The following HEMK2 variants were observed in gnomAD, a reference collection of about 807,000 sequenced individuals.
The protein encoded by HEMK2 is methyltransferase HEMK2.
chr21:28,605,488 T>C, the HEMK2 span, among the ~76,000 whole-genome samples: 3 of 152,188 alleles, frequency 2.0e-5, no homozygotes, highest in Non-Finnish European at 4.4e-5. Flanking sequence ...TTGTTCTAAA[T>C]TAAGAATAAA....
the HEMK2 span, among the ~76,000 whole-genome samples, chr21:28,663,863 A>G: frequency 6.6e-6 from 1 of 152,312 alleles, no homozygotes; most frequent in African/African-American, 2.4e-5. Context: ...ACTTCAAGAG[A>G]GCGGGCATCT....
the HEMK2 span, among the ~76,000 whole-genome samples, chr21:28,831,607 G>A: frequency 1.2e-5 from 1 of 86,216 alleles, no homozygotes; most frequent in Non-Finnish European, 2.0e-5. Context: ...AGGAAAGAAG[G>A]AAAGAAGGAA....
chr21:28,862,359 G>A, the HEMK2 span, among the ~76,000 whole-genome samples: 568 of 121,206 alleles, frequency 4.7e-3, 33 homozygotes, highest in Non-Finnish European at 6.6e-3. Flanking sequence ...GAAAGTAGTC[G>A]CCGGGCGCGG....
the HEMK2 span, among the ~76,000 whole-genome samples, chr21:28,659,220 G>T: frequency 6.6e-6 from 1 of 151,968 alleles, no homozygotes. Flanking sequence ...ATTCAATAAA[G>T]AAATTTGGAA....
At chr21:28,733,150 G>A in the HEMK2 span, among the ~76,000 whole-genome samples, 1 of 152,088 alleles carries the variant, frequency 6.6e-6, no homozygotes, top group Non-Finnish European at 1.5e-5. Context: ...GTGGTGGTGG[G>A]CACCTAGAGT....
the HEMK2 span, among the ~76,000 whole-genome samples, chr21:28,591,079 G>A: frequency 6.6e-6 from 1 of 152,156 alleles, no homozygotes; most frequent in Non-Finnish European, 1.5e-5. Flanking sequence ...GCAAGAATGT[G>A]TTATTCCTTC....
chr21:28,731,985 G>A, the HEMK2 span, among the ~76,000 whole-genome samples: 12 of 152,190 alleles, frequency 7.9e-5, no homozygotes, highest in African/African-American at 2.2e-4. Flanking sequence ...TGGGTGGTAC[G>A]TGTCACTCCT....
the HEMK2 span, among the ~76,000 whole-genome samples, chr21:28,741,188 C>A: frequency 3.3e-5 from 5 of 152,144 alleles, no homozygotes; most frequent in Non-Finnish European, 7.3e-5. Context: ...TCCAGGCCAA[C>A]ATCATGATTA....
the HEMK2 span, among the ~76,000 whole-genome samples, chr21:28,680,189 A>G: frequency 6.6e-6 from 1 of 152,230 alleles, no homozygotes; most frequent in Non-Finnish European, 1.5e-5. Context: ...GAAGAATCAA[A>G]TAGATGCAAT....
chr21:28,625,804 G>C, the HEMK2 span, among the ~76,000 whole-genome samples: 1 of 126,946 alleles, frequency 7.9e-6, no homozygotes, highest in Non-Finnish European at 1.7e-5. Flanking sequence ...GGTAGATAGG[G>C]AATGATACCA....
At chr21:28,878,532 T>C in the HEMK2 span, among the ~76,000 whole-genome samples, 10 of 152,218 alleles carry the variant, frequency 6.6e-5, no homozygotes, top group Non-Finnish European at 1.2e-4. Context: ...TGTTTGTGAA[T>C]TACTTTCCTC....
chr21:28,704,120 G>T, the HEMK2 span, among the ~76,000 whole-genome samples: 1 of 152,154 alleles, frequency 6.6e-6, no homozygotes, highest in South Asian at 2.1e-4. Flanking sequence ...TGGAGGTCAT[G>T]TTTCTAGCAC....
At chr21:28,803,467 G>T in the HEMK2 span, among the ~76,000 whole-genome samples, 2 of 152,120 alleles carry the variant, frequency 1.3e-5, no homozygotes, top group Admixed American at 6.5e-5. Flanking sequence ...AGCCCAATGT[G>T]GTCCAATCTC....
At chr21:28,850,788 G>C in the HEMK2 span, among the ~76,000 whole-genome samples, 4 of 152,248 alleles carry the variant, frequency 2.6e-5, no homozygotes, top group Non-Finnish European at 4.4e-5. Flanking sequence ...GCATATAAAA[G>C]GGAGTTTACT....
the HEMK2 span, among the ~76,000 whole-genome samples, chr21:28,717,116 G>A: frequency 6.6e-6 from 1 of 152,142 alleles, no homozygotes; most frequent in Non-Finnish European, 1.5e-5. Context: ...CTGCTATCAG[G>A]ATGATGCTGG....
At chr21:28,767,751 G>C in the HEMK2 span, among the ~76,000 whole-genome samples, 1 of 151,978 alleles carries the variant, frequency 6.6e-6, no homozygotes. Flanking sequence ...TGGGGTAGGC[G>C]GTAGTTGGTG....
At chr21:28,872,043 G>A in the HEMK2 span, 1 of 152,158 alleles carries the variant, frequency 6.6e-6, no homozygotes, top group Non-Finnish European at 1.5e-5. Flanking sequence ...ACAGGTTTCA[G>A]TTGGACACGA....
chr21:28,655,456 G>A, the HEMK2 span, among the ~76,000 whole-genome samples: 1 of 152,020 alleles, frequency 6.6e-6, no homozygotes, highest in Non-Finnish European at 1.5e-5. Context: ...AAGGAGAATA[G>A]GAAATACATT....
the HEMK2 span, among the ~76,000 whole-genome samples, chr21:28,792,463 G>A: frequency 6.6e-6 from 1 of 152,302 alleles, no homozygotes; most frequent in East Asian, 1.9e-4. Flanking sequence ...TGAGAGGGAT[G>A]AGACTTAGAG....
Sources: allele counts gnomAD v4.1 joint callset (sites outside exome capture counted in the v4.1 genomes callset), GRCh38; gene constraint gnomAD v4.1.1; transcripts MANE v1.5; gene names NCBI Gene and HGNC (gene_info 2026-07-23, HGNC 2026-07-21).